The following NRXN1 variants were observed in gnomAD, a reference collection of about 807,000 sequenced individuals.
The protein encoded by NRXN1 is neurexin-1.
Under a neutral mutation model 150.9 loss-of-function variants are expected in NRXN1, and 39 were observed. That is an observed-to-expected ratio of 0.26 (90% CI 0.20 to 0.34). NRXN1 has a LOEUF of 0.34. Among genes scored for constraint, NRXN1 ranks in the 10% least tolerant of loss-of-function variants. The pLI is 1.00. For missense variants in NRXN1, 1,815 were observed against 1,949.9 expected (o/e 0.93, Z 1.30); for synonymous variants, 924 against 757.0 (o/e 1.22, Z -3.62).
chr2:50,689,955 C>T lies in NRXN1; in HGVS notation c.833-66340G>A, dbSNP rs538820984. Among the ~76,000 whole-genome samples, 131 of 151,252 alleles carry T rather than the reference C, an allele frequency of 8.7e-4. 1 individual carries two copies. Among genetic ancestry groups the T allele is most frequent in the Non-Finnish European group, 1.7e-3 (112 of 67,850 alleles). ...AGGCTGCAGTGCAATGGTGCGATCTCGGCTCACTGCAACCTCTGCCTCTGG... is the reference window on the plus strand; with the variant it reads ...AGGCTGCAGTGCAATGGTGCGATCTTGGCTCACTGCAACCTCTGCCTCTGG... On this transcript the variant is annotated intron_variant, in intron 5 of 22. Coordinates refer to ENST00000401669, the MANE Select transcript of NRXN1 (RefSeq NM_001330078.2).
At chr2:50,557,420 G>T (rs1227626950) in intron 8 of NRXN1, among the ~76,000 whole-genome samples, 1 of 152,222 alleles carries the variant, frequency 6.6e-6, no homozygotes, top group Admixed American at 6.5e-5. Flanking sequence ...GAACATGAAT[G>T]ACTCATATTT....
intron 2 of NRXN1, among the ~76,000 whole-genome samples, chr2:50,936,945 T>A (rs979940296): frequency 6.6e-6 from 1 of 152,144 alleles, no homozygotes; most frequent in Non-Finnish European, 1.5e-5. Flanking sequence ...TCTAGGCATT[T>A]CTTACCAATA....
intron 17 of NRXN1, among the ~76,000 whole-genome samples, chr2:50,463,576 T>C (rs1226822063): frequency 2.0e-5 from 3 of 151,844 alleles, no homozygotes; most frequent in African/African-American, 7.2e-5. Flanking sequence ...ATCATTGTCA[T>C]CACCAGTACT....
At chr2:50,560,154 T>C (rs1668839870) in intron 8 of NRXN1, among the ~76,000 whole-genome samples, 1 of 152,206 alleles carries the variant, frequency 6.6e-6, no homozygotes, top group African/African-American at 2.4e-5. Flanking sequence ...TGCTATTCAC[T>C]TTCTTACACT....
At chr2:50,549,977 A>C (rs1667197927) in intron 9 of NRXN1, among the ~76,000 whole-genome samples, 1 of 152,204 alleles carries the variant, frequency 6.6e-6, no homozygotes, top group Non-Finnish European at 1.5e-5. Context: ...CACAATTTAC[A>C]TAGAAGAAAG....
chr2:49,969,244 A>T (rs189975916), intron 21 of NRXN1, among the ~76,000 whole-genome samples: 2 of 152,208 alleles, frequency 1.3e-5, no homozygotes, highest in Admixed American at 6.5e-5. Flanking sequence ...TAAAGAGTAG[A>T]TGATCCACTC....
At chr2:51,005,426 A>G (rs1700587232) in intron 2 of NRXN1, among the ~76,000 whole-genome samples, 1 of 152,010 alleles carries the variant, frequency 6.6e-6, no homozygotes, top group Non-Finnish European at 1.5e-5. Flanking sequence ...TGTGCTGGGA[A>G]CATTCAGTAT....
chr2:50,309,322 T>C (rs1047794397), intron 17 of NRXN1, among the ~76,000 whole-genome samples: 1 of 152,198 alleles, frequency 6.6e-6, no homozygotes, highest in Non-Finnish European at 1.5e-5. Flanking sequence ...GTTTTTCCTC[T>C]AACTTGATGA....
chr2:50,955,069 ATCTC>A (rs372576613), intron 2 of NRXN1, among the ~76,000 whole-genome samples: 98 of 151,840 alleles, frequency 6.5e-4, no homozygotes, highest in African/African-American at 1.4e-3. Context: ...ATTTCTACTC[ATCTC>A]TCTCTCTCTA....
At position 50,612,898 on chromosome 2, in the gene NRXN1, C is replaced by T. The variant is rs78605320; in HGVS notation, c.1320+7124G>A. On this transcript the variant is annotated intron_variant, in intron 8 of 22. Transcript: ENST00000401669. ...AGGAAAGGAGGATTTTTGCAGTCTA[C>T]TATTCTACACATGAAAGGAGGCAAG... Among the ~76,000 whole-genome samples the T allele has an allele frequency of 1.3e-4, 20 of 152,272 alleles. No individual in the cohort carries two copies. The East Asian group carries it at 3.9e-3, about 29-fold the overall frequency.
intron 6 of NRXN1, among the ~76,000 whole-genome samples, chr2:50,621,858 AT>A (rs1296677971): frequency 6.6e-6 from 1 of 152,076 alleles, no homozygotes; most frequent in Non-Finnish European, 1.5e-5. Context: ...AGTAGAATGG[AT>A]TTGTGTTTAA....
At chr2:50,640,056 T>G (rs550233485) in intron 5 of NRXN1, among the ~76,000 whole-genome samples, 1 of 152,298 alleles carries the variant, frequency 6.6e-6, no homozygotes, top group Admixed American at 6.5e-5. Context: ...CATCTCAGGC[T>G]AAGGTGATGT....
chr2:51,030,925 T>C (rs1041112218), intron 1 of NRXN1, among the ~76,000 whole-genome samples: 4 of 152,094 alleles, frequency 2.6e-5, no homozygotes, highest in Non-Finnish European at 4.4e-5. Context: ...CCAATTATTG[T>C]ATTAATTAAT....
chr2:50,237,846 T>C (rs1312594651), intron 17 of NRXN1, among the ~76,000 whole-genome samples: 1 of 152,034 alleles, frequency 6.6e-6, no homozygotes, highest in Non-Finnish European at 1.5e-5. Context: ...CCCCATATGT[T>C]GAGGGCAGGG....
chr2:50,011,668 T>C (rs181765945), intron 21 of NRXN1, among the ~76,000 whole-genome samples: 162 of 152,144 alleles, frequency 1.1e-3, no homozygotes, highest in African/African-American at 3.7e-3. Context: ...CTAGAAAACA[T>C]TGAGATCTCT....
At chr2:50,554,408 C>T (rs1485432351) in intron 8 of NRXN1, 1 of 152,102 alleles carries the variant, frequency 6.6e-6, no homozygotes, top group African/African-American at 2.4e-5. Flanking sequence ...AGAGTACATG[C>T]TCTGGTATTG....
At chr2:50,945,894 A>G (rs1484172801) in intron 2 of NRXN1, among the ~76,000 whole-genome samples, 1 of 144,016 alleles carries the variant, frequency 6.9e-6, no homozygotes, top group Admixed American at 7.1e-5. Context: ...ATATATATAT[A>G]TATATACACA....
chr2:50,483,815 A>G (rs1042722045), intron 15 of NRXN1, among the ~76,000 whole-genome samples: 9 of 152,298 alleles, frequency 5.9e-5, no homozygotes, highest in Non-Finnish European at 1.3e-4. Context: ...CTGTTCTGGA[A>G]ATTAAAAGAG....
intron 5 of NRXN1, among the ~76,000 whole-genome samples, chr2:50,813,001 G>A (rs928339203): frequency 2.0e-5 from 3 of 151,878 alleles, no homozygotes; most frequent in South Asian, 2.1e-4. Flanking sequence ...ATCAGTTTGG[G>A]CAACACAGTG....
Sources: gnomAD v4.1 joint callset for allele counts (sites outside exome capture counted in the v4.1 genomes callset) on GRCh38, gnomAD v4.1.1 for gene constraint, MANE v1.5 for transcripts, NCBI Gene and HGNC (gene_info 2026-07-23, HGNC 2026-07-21) for gene names.